TMEM114: variants seen among roughly 807,000 people sequenced by gnomAD.
TMEM114 encodes the protein transmembrane protein 114, also known as claudin-26.
Under a neutral mutation model 6.2 loss-of-function variants are expected in TMEM114, and 6 were observed. The observed-to-expected ratio is 0.97, with a 90% CI of 0.53 to 1.91. TMEM114 has a LOEUF of 1.91. Ranked by LOEUF, TMEM114 falls within the 40% of genes most tolerant of loss-of-function variation. The probability of loss-of-function intolerance (pLI) is 0.01; values close to 1 mark genes in which losing one functional copy is unlikely to be tolerated. For missense variants in TMEM114, 218 were observed against 158.3 expected, an observed-to-expected ratio of 1.38 and a Z score of -2.02; for synonymous variants, 104 against 73.0, an observed-to-expected ratio of 1.42 and a Z score of -2.16.
the TMEM114 span, among the ~76,000 whole-genome samples, chr16:8,529,389 C>T: frequency 2.0e-5 from 3 of 152,176 alleles, no homozygotes; most frequent in Admixed American, 6.5e-5. Flanking sequence ...GGAAATGGCT[C>T]TTCCTTGTCG....
intron 2 of TMEM114, among the ~76,000 whole-genome samples, chr16:8,557,422 C>T (rs1901049582): frequency 6.6e-6 from 1 of 152,164 alleles, no homozygotes; most frequent in African/African-American, 2.4e-5. Context: ...AAGTGCTCAG[C>T]CTGCCCCTAG....
At chr16:8,537,368 G>T (rs1900390995), downstream of TMEM114, among the ~76,000 whole-genome samples, 1 of 152,084 alleles carries the variant, frequency 6.6e-6, no homozygotes, top group African/African-American at 2.4e-5. Context: ...AAGCGCGATG[G>T]CACACGCCTG....
intron 2 of TMEM114, among the ~76,000 whole-genome samples, chr16:8,546,998 G>A (rs75768298): frequency 0.026 from 3,890 of 152,318 alleles, 142 homozygotes; most frequent in East Asian, 0.15. Flanking sequence ...AGGTATCTAA[G>A]CATTACATAA....
chr16:8,556,255 T>C (rs1451681867), intron 2 of TMEM114, among the ~76,000 whole-genome samples: 2 of 152,218 alleles, frequency 1.3e-5, no homozygotes, highest in African/African-American at 2.4e-5. Flanking sequence ...CCTGCAGTTA[T>C]ACCAGCCCCC....
At chr16:8,538,648 C>G (rs1009378146) in intron 2 of TMEM114, among the ~76,000 whole-genome samples, 1 of 152,128 alleles carries the variant, frequency 6.6e-6, no homozygotes, top group Non-Finnish European at 1.5e-5. Context: ...GCTGCGACTA[C>G]AGGCGCCCGC....
chr16:8,564,785 G>C (rs1274276773), downstream of TMEM114, among the ~76,000 whole-genome samples: 1 of 148,536 alleles, frequency 6.7e-6, no homozygotes, highest in Non-Finnish European at 1.5e-5. Context: ...GAGTGAGTGA[G>C]TGAATTAGTG....
intron 2 of TMEM114, among the ~76,000 whole-genome samples, chr16:8,563,667 A>AAGTGAATG (rs1567203126): frequency 7.4e-6 from 1 of 135,350 alleles, no homozygotes; most frequent in Non-Finnish European, 1.6e-5. Context: ...GTGAGCGAAT[A>AAGTGAATG]AGTAAGTGAA....
At chr16:8,587,687 C>G (rs1280052965) in intron 2 of TMEM114, among the ~76,000 whole-genome samples, 1 of 152,204 alleles carries the variant, frequency 6.6e-6, no homozygotes, top group Non-Finnish European at 1.5e-5. Context: ...TATCCCCAGC[C>G]TCAGTAAGTC....
intron 2 of TMEM114, among the ~76,000 whole-genome samples, chr16:8,588,273 C>A (rs1437283551): frequency 1.5e-5 from 2 of 129,854 alleles, no homozygotes; most frequent in East Asian, 2.1e-4. Flanking sequence ...GGCAACAGAG[C>A]AAGACCCTGT....
chr16:8,569,114 C>A (rs919802205), downstream of TMEM114, among the ~76,000 whole-genome samples: 1 of 152,170 alleles, frequency 6.6e-6, no homozygotes, highest in Non-Finnish European at 1.5e-5. Context: ...CAGCACTGCC[C>A]CAGGGGACCC....
intron 2 of TMEM114, among the ~76,000 whole-genome samples, chr16:8,545,445 ACAT>A (rs954589307): frequency 5.1e-4 from 78 of 152,132 alleles, no homozygotes; most frequent in African/African-American, 1.8e-3. Context: ...AAAATAATCA[ACAT>A]CATCATCATC....
At chr16:8,527,821 T>C in the TMEM114 span, among the ~76,000 whole-genome samples, 1 of 152,326 alleles carries the variant, frequency 6.6e-6, no homozygotes, top group Non-Finnish European at 1.5e-5. Flanking sequence ...ATGTGGAGTT[T>C]GGGTCTGTGA....
intron 2 of TMEM114, among the ~76,000 whole-genome samples, chr16:8,539,621 C>G (rs1440936863): frequency 2.0e-5 from 3 of 152,134 alleles, no homozygotes; most frequent in Non-Finnish European, 2.9e-5. Context: ...GGGGTTGTAT[C>G]AGCTGGAAGC....
At chr16:8,528,489 C>T in the TMEM114 span, among the ~76,000 whole-genome samples, 102 of 152,274 alleles carry the variant, frequency 6.7e-4, no homozygotes, top group African/African-American at 2.3e-3. Context: ...CAACCTCTCA[C>T]ACCAAGGGGG....
At chr16:8,531,972 G>C in the TMEM114 span, 1 of 152,202 alleles carries the variant, frequency 6.6e-6, no homozygotes, top group African/African-American at 2.4e-5. Flanking sequence ...AACAGCTCTA[G>C]CTGTTTTTGT....
downstream of TMEM114, among the ~76,000 whole-genome samples, chr16:8,535,933 T>C (rs1900343226): frequency 6.6e-6 from 1 of 152,084 alleles, no homozygotes; most frequent in Non-Finnish European, 1.5e-5. Context: ...GCTTCAAAAA[T>C]GAAGGGAGTG....
rs746216728 is a variant in TMEM114 at position 8,569,956 on chromosome 16, G to A, written c.489C>T (p.Ala163=). The change falls in exon 4 of 4, where the codon GCC becomes GCT. Residue 163 remains alanine (A), a synonymous_variant. Transcript: ENST00000620492. ...GISVYIAYSA[A]AFREALCLLE... ...AGAGACACAGCGCCTCCCGGAAGGC[G>A]GCGGCTGAATACGCTATGTAGACGC... 45 of 1,550,994 alleles carry A rather than the reference G, an allele frequency of 2.9e-5. No homozygotes were observed. The East Asian group carries it at 8.6e-4, about 29-fold the overall frequency.
At position 8,549,020 on chromosome 16, in the gene TMEM114, A is replaced by G. The variant is rs564149254; in HGVS notation, n.213-11194T>C. Reference sequence around the variant, plus strand: ...ACACAGTGAAACTCCAGCTCTACTAAAAATACAAAGATTTAGCCAGACATG... The same window carrying G: ...ACACAGTGAAACTCCAGCTCTACTAGAAATACAAAGATTTAGCCAGACATG... On this transcript the variant is annotated intron_variant and non_coding_transcript_variant, in intron 2 of 2. Transcript: ENST00000623677. Among the ~76,000 whole-genome samples, 4 of 151,944 alleles carry G rather than the reference A, an allele frequency of 2.6e-5. No individual in the cohort carries two copies. The East Asian group carries it at 7.7e-4, about 29-fold the overall frequency.
intron 2 of TMEM114, among the ~76,000 whole-genome samples, chr16:8,549,530 T>C (rs1025752559): frequency 1.3e-5 from 2 of 150,628 alleles, no homozygotes; most frequent in Admixed American, 6.6e-5. Flanking sequence ...ATGCATGATC[T>C]CAAAGTGAGA....
Sources: allele counts gnomAD v4.1 joint callset (sites outside exome capture counted in the v4.1 genomes callset), GRCh38; gene constraint gnomAD v4.1.1; transcripts MANE v1.5; gene names NCBI Gene and HGNC (gene_info 2026-07-23, HGNC 2026-07-21).